The following FAHD2A variants were observed in gnomAD, a reference collection of about 807,000 sequenced individuals.
The protein encoded by FAHD2A is fumarylacetoacetate hydrolase domain containing 2A.
FAHD2A carries 27 observed loss-of-function variants against 33.4 expected under a neutral mutation model. The ratio of observed to expected loss-of-function variants is 0.81; its 90% CI spans 0.60 to 1.11. The LOEUF (loss-of-function observed/expected upper bound fraction) is 1.11, where lower values mean the gene tolerates loss of function less well. Ranked by LOEUF, FAHD2A falls within the 50% of genes most tolerant of loss-of-function variation. FAHD2A has a pLI of 0.00. For missense variants in FAHD2A, 296 were observed against 395.0 expected (o/e 0.75, Z 2.12); for synonymous variants, 130 against 153.3 (o/e 0.85, Z 1.12).
At chr2:95,411,898 G>A (rs1178215563) in intron 5 of FAHD2A, among the ~76,000 whole-genome samples, 1 of 152,134 alleles carries the variant, frequency 6.6e-6, no homozygotes, top group East Asian at 1.9e-4. Flanking sequence ...CAGTTCTCCC[G>A]CCTCAGCCTC....
At chr2:95,408,739 G>C (rs1234664532) in intron 3 of FAHD2A, among the ~76,000 whole-genome samples, 1 of 152,204 alleles carries the variant, frequency 6.6e-6, no homozygotes, top group Non-Finnish European at 1.5e-5. Context: ...GTTGAGATTT[G>C]GGTGGGGACA....
downstream of FAHD2A, among the ~76,000 whole-genome samples, chr2:95,421,003 C>CTGTG (rs1683306963): frequency 2.3e-5 from 2 of 88,706 alleles, no homozygotes; most frequent in African/African-American, 1.0e-4. Context: ...GTGAATGAAC[C>CTGTG]TCTGTGTGTG....
Position 95,414,158 on chromosome 2 carries a change from A to G in FAHD2A, c.*1201A>G. ...AGACTACTCTGCAGCCCGCCTTCCT[A>G]GAGTTGGGTTGTCACTGTCCGGCAG... On this transcript the variant is annotated 3_prime_UTR_variant, in exon 8 of 8. Coordinates refer to ENST00000233379, the MANE Select transcript of FAHD2A (RefSeq NM_016044.3). 1 of 1,559,814 alleles carries G rather than the reference A, an allele frequency of 6.4e-7. No homozygotes were observed. The highest frequency in any genetic ancestry group is 1.9e-5 in the Admixed American group (1 of 52,514).
downstream of FAHD2A, among the ~76,000 whole-genome samples, chr2:95,418,526 A>G (rs1260765396): frequency 6.6e-6 from 1 of 151,964 alleles, no homozygotes; most frequent in African/African-American, 2.4e-5. Context: ...AAAGTCAGAG[A>G]AGAGGGCATA....
chr2:95,412,752 T>G lies in FAHD2A; in HGVS notation c.870T>G (p.Pro290=). 1 of 1,614,188 alleles carries G rather than the reference T, an allele frequency of 6.2e-7. No homozygotes were observed. The change falls in exon 7 of 8, where the codon CCT becomes CCG. Residue 290 remains proline (P), a synonymous_variant. Coordinates refer to ENST00000233379, the MANE Select transcript of FAHD2A (RefSeq NM_016044.3). ...PPGVGVFRKP[P]VFLKKGDEVQ... Reference sequence around the variant, plus strand: ...GTGTCGGTGTATTCAGGAAACCTCCTGTCTTTCTCAAGGTAGGTTAGCGAA... The same window carrying G: ...GTGTCGGTGTATTCAGGAAACCTCCGGTCTTTCTCAAGGTAGGTTAGCGAA...
Position 95,414,144 on chromosome 2 carries a change from C to A in FAHD2A, c.*1187C>A. 6.5e-7 allele frequency: 1 copy of A among 1,533,860 alleles called. No individual in the cohort carries two copies. Among genetic ancestry groups the A allele is most frequent in the Non-Finnish European group, 8.9e-7 (1 of 1,128,590 alleles). On this transcript the variant is annotated 3_prime_UTR_variant, in exon 8 of 8. Coordinates refer to ENST00000233379, the MANE Select transcript of FAHD2A (RefSeq NM_016044.3). ...TCCGACTGGACAGAAGACTACTCTG[C>A]AGCCCGCCTTCCTAGAGTTGGGTTG...
chr2:95,404,103 A>C (rs1331009640), intron 1 of FAHD2A, among the ~76,000 whole-genome samples: 1 of 152,216 alleles, frequency 6.6e-6, no homozygotes, highest in Non-Finnish European at 1.5e-5. Context: ...GAGTCTGGGG[A>C]TCAGCTGCCT....
At chr2:95,405,395 T>A (rs528022164) in intron 1 of FAHD2A, 158 bp from the exon 2 acceptor site, 50 of 1,093,124 alleles carry the variant, frequency 4.6e-5, no homozygotes, top group Admixed American at 1.2e-4. Context: ...CCTTATGAAG[T>A]ATAGCAGGTA....
chr2:95,407,963 T>G (rs1406709701), intron 3 of FAHD2A, among the ~76,000 whole-genome samples: 1 of 151,852 alleles, frequency 6.6e-6, no homozygotes, highest in Non-Finnish European at 1.5e-5. Flanking sequence ...CCACCTGGTT[T>G]CATTGTAAAC....
intron 3 of FAHD2A, among the ~76,000 whole-genome samples, chr2:95,409,386 C>T (rs1304928250): frequency 6.6e-6 from 1 of 151,958 alleles, no homozygotes; most frequent in Non-Finnish European, 1.5e-5. Context: ...ATAATTTCAG[C>T]ACACCTCTGC....
downstream of FAHD2A, among the ~76,000 whole-genome samples, chr2:95,417,932 T>TA (rs1336247395): frequency 1.3e-5 from 2 of 152,070 alleles, no homozygotes; most frequent in Non-Finnish European, 1.5e-5. Flanking sequence ...AGTATACAAA[T>TA]ATGCAGTCCA....
In FAHD2A at chr2:95,414,415, G is replaced by A. The variant is rs966776441; in HGVS notation, c.*1458G>A. 2.8e-5 allele frequency: 17 copies of A among 607,946 alleles called. No individual in the cohort carries two copies. Among genetic ancestry groups the A allele is most frequent in the African/African-American group, 1.7e-4 (9 of 53,884 alleles). The allele number at this position is 607,946 out of a possible 1,614,324, so 37.7% of individuals were successfully genotyped here. On this transcript the variant is annotated 3_prime_UTR_variant, in exon 8 of 8. Transcript: ENST00000233379. ...GTGGTGGGATGGGGAAGGAAAGGTT[G>A]TGGAAGGCCTGCACCCCGTCTCAGT...
rs149463182 is a variant in FAHD2A at position 95,413,808 on chromosome 2, A to G, written c.*851A>G. On this transcript the variant is annotated 3_prime_UTR_variant, in exon 8 of 8. Transcript: ENST00000233379. ...CCTTCTCCAACCCATCACCACGTCT[A>G]TTGCTGGAAGACACCAAGTAAATCC... is the stretch of plus-strand genomic sequence containing the variant. 1,669 of 721,380 alleles carry G rather than the reference A, an allele frequency of 2.3e-3. 52 individuals carry two copies. The East Asian group carries it at 0.032, about 14-fold the overall frequency. The allele number at this position is 721,380 out of a possible 1,614,324, so 44.7% of individuals were successfully genotyped here.
chr2:95,407,897 C>T (rs1285400985), intron 3 of FAHD2A, among the ~76,000 whole-genome samples: 1 of 152,120 alleles, frequency 6.6e-6, no homozygotes, highest in East Asian at 1.9e-4. Flanking sequence ...TTAGAAATGT[C>T]TTGAAAATTA....
rs982341397 is a variant in FAHD2A at position 95,414,122 on chromosome 2, G to T, written c.*1165G>T. On this transcript the variant is annotated 3_prime_UTR_variant, in exon 8 of 8. Transcript: ENST00000233379. ...GAAGCCCAGGGAGGGATAGATCTCCGACTGGACAGAAGACTACTCTGCAGC... is the reference window on the plus strand; with the variant it reads ...GAAGCCCAGGGAGGGATAGATCTCCTACTGGACAGAAGACTACTCTGCAGC... 2.7e-6 allele frequency: 4 copies of T among 1,486,028 alleles called. No individual in the cohort carries two copies. In the South Asian group the frequency reaches 3.6e-5, roughly 13 times the overall value. 92.1% of individuals were successfully genotyped at this position (1,486,028 alleles called of 1,614,324 possible).
intron 5 of FAHD2A, among the ~76,000 whole-genome samples, chr2:95,411,747 T>C (rs1255509365): frequency 2.0e-5 from 3 of 152,242 alleles, no homozygotes; most frequent in Admixed American, 6.5e-5. Context: ...TACACGAGGC[T>C]TCTCTGTCCC....
rs1383005817 is a variant in FAHD2A, at chr2:95,415,540, T to A, written c.*2583T>A. On this transcript the variant is annotated 3_prime_UTR_variant, in exon 8 of 8. Coordinates refer to ENST00000233379, the MANE Select transcript of FAHD2A (RefSeq NM_016044.3). ...AACACAAGCTGAATAAATTTATAAA[T>A]ATCAGCATTAAGCGAGATTTAACGG... The A allele has an allele frequency of 1.3e-5, 2 of 152,594 alleles. No individual in the cohort carries two copies. The highest frequency in any genetic ancestry group is 4.8e-5 in the African/African-American group (2 of 41,430). 9.5% of individuals were successfully genotyped at this position (152,594 alleles called of 1,614,324 possible).
In FAHD2A at chr2:95,413,228, CAT is replaced by C. The variant is rs1210777680; in HGVS notation, c.*274_*275del. 73 of 1,138,624 alleles carry C rather than the reference CAT, an allele frequency of 6.4e-5. 3 individuals carry two copies. The South Asian group carries it at 7.5e-4, about 12-fold the overall frequency. The allele number at this position is 1,138,624 out of a possible 1,614,324, so 70.5% of individuals were successfully genotyped here. On this transcript the variant is annotated 3_prime_UTR_variant, in exon 8 of 8. Transcript: ENST00000233379. ...GGGAAGAAGAGAGCAAATACACACA[CAT>C]ATGCCAAAAAGATGCTGCTGGGCTG...
chr2:95,419,773 C>T (rs1286140244), downstream of FAHD2A, among the ~76,000 whole-genome samples: 1 of 151,888 alleles, frequency 6.6e-6, no homozygotes, highest in African/African-American at 2.4e-5. Context: ...AGAGATAGAT[C>T]TCTCACATAC....
Sources: allele counts gnomAD v4.1 joint callset (sites outside exome capture counted in the v4.1 genomes callset), GRCh38; gene constraint gnomAD v4.1.1; transcripts MANE v1.5; gene names NCBI Gene and HGNC (gene_info 2026-07-23, HGNC 2026-07-21).